Variants in MTFR1 observed in about 807,000 individuals in gnomAD.
The protein encoded by MTFR1 is mitochondrial fission regulator 1, also known as chondrocyte protein with a poly-proline region.
MTFR1 carries 28 observed loss-of-function variants against 38.8 expected under a neutral mutation model. That is an observed-to-expected ratio of 0.72 (90% CI 0.53 to 0.99). The LOEUF (loss-of-function observed/expected upper bound fraction) is 0.99, where lower values mean the gene tolerates loss of function less well. Among genes scored for constraint, MTFR1 ranks in the 50% least tolerant of loss-of-function variants. The pLI, the probability that MTFR1 is intolerant of heterozygous loss-of-function variation, is 0.00. For missense variants in MTFR1, 358 were observed against 395.5 expected, an observed-to-expected ratio of 0.91 and a Z score of 0.81; for synonymous variants, 145 against 137.0, an observed-to-expected ratio of 1.06 and a Z score of -0.41.
intron 2 of MTFR1, among the ~76,000 whole-genome samples, chr8:65,670,451 GAA>G (rs553480643): frequency 6.6e-6 from 1 of 151,624 alleles, no homozygotes; most frequent in Admixed American, 6.6e-5. Flanking sequence ...TTGATAAGAA[GAA>G]AAAAAAGTTA....
intron 3 of MTFR1, among the ~76,000 whole-genome samples, chr8:65,769,392 A>T (rs1375844898): frequency 1.3e-5 from 2 of 152,200 alleles, no homozygotes; most frequent in Non-Finnish European, 2.9e-5. Flanking sequence ...GAATCATTGC[A>T]ACAAAGCTGC....
intron 1 of MTFR1, among the ~76,000 whole-genome samples, chr8:65,663,937 C>T (rs1804296055): frequency 2.0e-5 from 3 of 150,694 alleles, no homozygotes; most frequent in South Asian, 2.1e-4. Flanking sequence ...AGACGATTCT[C>T]CTGGAATAGC....
At chr8:65,681,500 T>C (rs1045797551) in intron 2 of MTFR1, among the ~76,000 whole-genome samples, 1 of 152,214 alleles carries the variant, frequency 6.6e-6, no homozygotes, top group Non-Finnish European at 1.5e-5. Flanking sequence ...AAATTGCTTT[T>C]AATAGCATAC....
intron 3 of MTFR1, among the ~76,000 whole-genome samples, chr8:65,740,484 T>C (rs1807368024): frequency 6.6e-6 from 1 of 152,050 alleles, no homozygotes; most frequent in Admixed American, 6.6e-5. Flanking sequence ...CACTGCAACC[T>C]CCACCTCCTG....
Position 65,677,068 on chromosome 8 carries a change from CTT to C in MTFR1, c.67-5263_67-5262del, listed in dbSNP as rs1166560010. Among the ~76,000 whole-genome samples, 50 of 100,108 alleles carry C rather than the reference CTT, an allele frequency of 5.0e-4. No individual in the cohort carries two copies. In the South Asian group the frequency reaches 5.4e-3, roughly 11 times the overall value. The allele number at this position is 100,108 out of a possible 152,430, so 65.7% of individuals were successfully genotyped here. The stretch of plus-strand genomic sequence containing the variant: ...GGTTTTTCTGTTTAGCTATTTCTCT[CTT>C]TTTTTTTTTTTTTTTTTTTTTGAGA... On this transcript the variant is annotated intron_variant, in intron 2 of 7. Transcript: ENST00000262146.
intron 1 of MTFR1, among the ~76,000 whole-genome samples, chr8:65,654,912 G>A (rs2034134726): frequency 6.6e-6 from 1 of 152,046 alleles, no homozygotes; most frequent in African/African-American, 2.4e-5. Flanking sequence ...GCAGGGGACA[G>A]TAACTATTAC....
chr8:65,730,171 C>CTTTTTTTTTTTTTTTTTTTTGTTTTTT (rs1806801575), intron 3 of MTFR1, among the ~76,000 whole-genome samples: 1 of 86,434 alleles, frequency 1.2e-5, no homozygotes, highest in Non-Finnish European at 2.1e-5. Context: ...TTGCGCACTT[C>CTTTTTTTTTTTTTTTTTTTTGTTTTTT]TTTTTTTTTT....
intron 2 of MTFR1, chr8:65,718,172 G>A (rs572526679): frequency 3.3e-5 from 5 of 152,026 alleles, no homozygotes; most frequent in Non-Finnish European, 4.4e-5. Flanking sequence ...CCCCTCCCCC[G>A]AGTGTGGCTG....
intron 3 of MTFR1, among the ~76,000 whole-genome samples, chr8:65,735,552 C>T (rs1807094568): frequency 6.6e-6 from 1 of 152,188 alleles, no homozygotes; most frequent in Non-Finnish European, 1.5e-5. Context: ...CTCAAGGAGT[C>T]CACCTGCCTT....
At chr8:65,737,395 T>C (rs947587905) in intron 3 of MTFR1, among the ~76,000 whole-genome samples, 2 of 152,192 alleles carry the variant, frequency 1.3e-5, no homozygotes, top group East Asian at 1.9e-4. Flanking sequence ...CTACTCACAC[T>C]ATATTAATTA....
chr8:65,741,284 T>C (rs563798865), intron 3 of MTFR1, among the ~76,000 whole-genome samples: 2 of 152,242 alleles, frequency 1.3e-5, no homozygotes, highest in Admixed American at 1.3e-4. Flanking sequence ...TGCAATAAAA[T>C]ACACGATTCT....
At chr8:65,662,246 C>T (rs971986335) in intron 1 of MTFR1, among the ~76,000 whole-genome samples, 2 of 152,206 alleles carry the variant, frequency 1.3e-5, no homozygotes, top group African/African-American at 2.4e-5. Flanking sequence ...TGCAGGCGCG[C>T]GCCGCCACGC....
At chr8:65,662,091 C>T (rs2129049204) in intron 1 of MTFR1, among the ~76,000 whole-genome samples, 1 of 99,384 alleles carries the variant, frequency 1.0e-5, no homozygotes, top group Non-Finnish European at 2.3e-5. Context: ...TCTCCCTCTC[C>T]CTCTCTTTCC....
chr8:65,647,162 G>A (rs1461027785), intron 1 of MTFR1, among the ~76,000 whole-genome samples: 2 of 152,226 alleles, frequency 1.3e-5, no homozygotes, highest in African/African-American at 2.4e-5. Context: ...TACCAGTCAT[G>A]TGAAAGGATT....
At chr8:65,775,713 C>T (rs888611827), downstream of MTFR1, among the ~76,000 whole-genome samples, 22 of 152,188 alleles carry the variant, frequency 1.4e-4, no homozygotes, top group Admixed American at 6.5e-4. Flanking sequence ...CTGCAACCTC[C>T]GCCTCCCAGG....
At position 65,704,697 on chromosome 8, in the gene MTFR1, A is replaced by G. The variant is rs1237471234; in HGVS notation, c.285A>G (p.Thr95=). 1 of 1,613,822 alleles carries G rather than the reference A, an allele frequency of 6.2e-7. No homozygotes were observed. The highest frequency in any genetic ancestry group is 8.5e-7 in the Non-Finnish European group (1 of 1,179,752). Residue 95 remains threonine, a synonymous_variant, in exon 5 of 8, where the codon ACA becomes ACG. Transcript: ENST00000262146. ...CCACCTTATGTCTTCCTTGCAGGAC[A>G]GAGGTCAGATCAAGGCCACCCCTTC... is the stretch of plus-strand genomic sequence containing the variant. ...EEGECSARLR[T]EVRSRPPLQD...
downstream of MTFR1, chr8:65,714,432 C>G (rs1806052092): frequency 6.6e-6 from 1 of 152,106 alleles, no homozygotes. Flanking sequence ...TGGGTGCTCT[C>G]CATCAGCTCA....
intron 3 of MTFR1, among the ~76,000 whole-genome samples, chr8:65,741,669 T>A (rs1198627661): frequency 6.6e-6 from 1 of 152,240 alleles, no homozygotes; most frequent in Non-Finnish European, 1.5e-5. Context: ...CGAGTCCATG[T>A]GGTGTGGAGC....
chr8:65,702,297 C>CTTTTT (rs530863447), intron 4 of MTFR1, among the ~76,000 whole-genome samples: 86 of 110,248 alleles, frequency 7.8e-4, no homozygotes, highest in Non-Finnish European at 1.1e-3. Flanking sequence ...TTCTTTCTTT[C>CTTTTT]TTTTTTTTTT....
Sources: gnomAD v4.1 joint callset for allele counts (sites outside exome capture counted in the v4.1 genomes callset) on GRCh38, gnomAD v4.1.1 for gene constraint, MANE v1.5 for transcripts, NCBI Gene and HGNC (gene_info 2026-07-23, HGNC 2026-07-21) for gene names.